Variants in RFX7 observed in about 807,000 individuals in gnomAD.
RFX7 encodes the protein DNA-binding protein RFX7.
A neutral mutation model predicts 111.8 loss-of-function variants in RFX7; 26 were observed. The ratio of observed to expected loss-of-function variants is 0.23; its 90% CI spans 0.17 to 0.32. The LOEUF is 0.32. Among genes scored for constraint, RFX7 ranks in the 10% least tolerant of loss-of-function variants. RFX7 has a pLI of 1.00. For missense variants in RFX7, 1,573 were observed against 1,772.9 expected, an observed-to-expected ratio of 0.89 and a Z score of 2.02; for synonymous variants, 624 against 624.4, an observed-to-expected ratio of 1.00 and a Z score of 0.01.
intron 5 of RFX7, among the ~76,000 whole-genome samples, chr15:56,138,224 C>A (rs1473442451): frequency 7.5e-6 from 1 of 133,968 alleles, no homozygotes; most frequent in Admixed American, 7.6e-5. Context: ...GTGTTAAAGT[C>A]TCCCATTATT....
chr15:56,135,632 T>G (rs2042289840), intron 5 of RFX7, among the ~76,000 whole-genome samples: 1 of 152,168 alleles, frequency 6.6e-6, no homozygotes, highest in African/African-American at 2.4e-5. Flanking sequence ...AGATCCCATT[T>G]GTCAATTTTG....
In RFX7 at chr15:56,243,860, GCAGCCCA is replaced by G. The variant is rs1754564543; in HGVS notation, c.-425_-419del. ...CGCCGCTGCCCTGCCAGCCCCGGAG[GCAGCCCA>G]GTGCGCGCAGCCGCACTGCGGCCCG... On this transcript the variant is annotated 5_prime_UTR_variant, in exon 1 of 10. Transcript: ENST00000559447. 6.7e-6 allele frequency: 1 copy of G among 148,722 alleles called. No homozygotes were observed. The highest frequency in any genetic ancestry group is 6.7e-5 in the Admixed American group (1 of 14,852). 9.2% of individuals were successfully genotyped at this position (148,722 alleles called of 1,614,324 possible).
chr15:56,219,758 T>C (rs2043404492), intron 2 of RFX7, among the ~76,000 whole-genome samples: 1 of 152,242 alleles, frequency 6.6e-6, no homozygotes, highest in Admixed American at 6.5e-5. Flanking sequence ...CTTCATCCAG[T>C]CTACCATGGA....
At chr15:56,242,378 T>C (rs1345040369) in intron 2 of RFX7, among the ~76,000 whole-genome samples, 1 of 152,210 alleles carries the variant, frequency 6.6e-6, no homozygotes, top group Non-Finnish European at 1.5e-5. Context: ...TTTAGGAGTT[T>C]AATGCTGAAA....
intron 3 of RFX7, among the ~76,000 whole-genome samples, chr15:56,170,993 GAAA>G (rs1187975679): frequency 2.3e-4 from 35 of 152,290 alleles, no homozygotes; most frequent in African/African-American, 7.9e-4. Flanking sequence ...GCAAAGGTGT[GAAA>G]TAAACAGAAC....
At chr15:56,151,835 CAT>C (rs1273981952) in intron 3 of RFX7, among the ~76,000 whole-genome samples, 1 of 152,094 alleles carries the variant, frequency 6.6e-6, no homozygotes, top group Non-Finnish European at 1.5e-5. Context: ...CAAAGACACA[CAT>C]AGGCTCAAAT....
At chr15:56,216,438 A>G (rs1316497065) in intron 2 of RFX7, among the ~76,000 whole-genome samples, 1 of 152,078 alleles carries the variant, frequency 6.6e-6, no homozygotes, top group Non-Finnish European at 1.5e-5. Context: ...TAATATTCTT[A>G]TTTTCACCTC....
chr15:56,188,761 G>A (rs750184418), intron 2 of RFX7, among the ~76,000 whole-genome samples: 18 of 152,188 alleles, frequency 1.2e-4, no homozygotes, highest in Non-Finnish European at 1.9e-4. Flanking sequence ...AAAGTGTCTA[G>A]AAGAAACCAT....
intron 5 of RFX7, among the ~76,000 whole-genome samples, chr15:56,114,329 T>G (rs2041977884): frequency 1.3e-5 from 2 of 150,780 alleles, no homozygotes; most frequent in African/African-American, 2.4e-5. Flanking sequence ...GAGAAATGCT[T>G]TAACCCGGGA....
rs903253911 is a variant in RFX7 at position 56,095,619 on chromosome 15, C to A, written c.2109G>T (p.Gly703=). 1.9e-6 allele frequency: 3 copies of A among 1,613,858 alleles called. No homozygotes were observed. Among genetic ancestry groups the A allele is most frequent in the Non-Finnish European group, 2.5e-6 (3 of 1,179,878 alleles). Residue 703 remains glycine, a synonymous_variant, in exon 10 of 10, where the codon GGG becomes GGT. Transcript: ENST00000559447. ...VKKDQKVPHS[G]KTEGSTAGAQ... is the part of the protein sequence containing the mutation. ...CACCTGCTGTTGAACCTTCTGTTTT[C>A]CCTGAATGTGGAACCTTTTGGTCCT...
intron 2 of RFX7, among the ~76,000 whole-genome samples, chr15:56,231,180 G>A (rs965823430): frequency 3.3e-5 from 5 of 152,166 alleles, no homozygotes; most frequent in African/African-American, 4.8e-5. Context: ...GTGCAGTGGG[G>A]AAAAAGGACA....
chr15:56,175,250 A>G (rs1181123849), intron 3 of RFX7, among the ~76,000 whole-genome samples: 1 of 152,182 alleles, frequency 6.6e-6, no homozygotes, highest in Non-Finnish European at 1.5e-5. Context: ...TACACAGAAA[A>G]TAACAAAACA....
intron 3 of RFX7, among the ~76,000 whole-genome samples, chr15:56,175,646 T>C (rs1165018361): frequency 6.6e-6 from 1 of 152,130 alleles, no homozygotes; most frequent in South Asian, 2.1e-4. Context: ...TAAATGGTAC[T>C]GGACAACTGG....
intron 2 of RFX7, among the ~76,000 whole-genome samples, chr15:56,234,067 C>T (rs963900231): frequency 5.9e-5 from 9 of 152,124 alleles, no homozygotes; most frequent in African/African-American, 1.9e-4. Flanking sequence ...GGATTTATAG[C>T]CCATCCCTTG....
At chr15:56,166,068 G>C (rs1437368474) in intron 3 of RFX7, among the ~76,000 whole-genome samples, 2 of 152,014 alleles carry the variant, frequency 1.3e-5, no homozygotes, top group African/African-American at 4.8e-5. Context: ...ATGCCCAGCT[G>C]ATTTTTTATT....
In RFX7 at chr15:56,207,556, A is replaced by G. The variant is rs76854781; in HGVS notation, c.162-28253T>C. The stretch of plus-strand genomic sequence containing the variant: ...AGACTTAAATGTAAAACATAGAAAT[A>G]CAAAACATTTGAGAAAAAAAGCAAT... On this transcript the variant is annotated intron_variant, in intron 2 of 9. Transcript: ENST00000559447. Among the ~76,000 whole-genome samples the G allele has an allele frequency of 3.7e-3, 565 of 152,354 alleles. 7 individuals carry two copies. The highest frequency in any genetic ancestry group is 0.013 in the African/African-American group (538 of 41,588).
chr15:56,150,865 G>A (rs2042560007), intron 3 of RFX7, among the ~76,000 whole-genome samples: 1 of 152,106 alleles, frequency 6.6e-6, no homozygotes, highest in African/African-American at 2.4e-5. Context: ...AGGTAGAGAA[G>A]AACATAAATG....
intron 2 of RFX7, among the ~76,000 whole-genome samples, chr15:56,214,859 T>C (rs1433261209): frequency 6.6e-6 from 1 of 152,220 alleles, no homozygotes; most frequent in Non-Finnish European, 1.5e-5. Flanking sequence ...TTTGCTACAT[T>C]ATCTTCGTAA....
chr15:56,230,246 G>A (rs1405290727), intron 2 of RFX7, among the ~76,000 whole-genome samples: 3 of 152,202 alleles, frequency 2.0e-5, no homozygotes, highest in Non-Finnish European at 4.4e-5. Flanking sequence ...AGTCACGAAA[G>A]GTTGCTGAAC....
Sources: allele counts gnomAD v4.1 joint callset (sites outside exome capture counted in the v4.1 genomes callset), GRCh38; gene constraint gnomAD v4.1.1; transcripts MANE v1.5; gene names NCBI Gene and HGNC (gene_info 2026-07-23, HGNC 2026-07-21).